Variants in AGPAT5 observed in about 807,000 individuals in gnomAD.
AGPAT5 encodes 1-acyl-sn-glycerol-3-phosphate acyltransferase epsilon.
A neutral mutation model predicts 45.6 loss-of-function variants in AGPAT5; 46 were observed. That is an observed-to-expected ratio of 1.01 (90% CI 0.80 to 1.29). AGPAT5 has a LOEUF of 1.29. Among genes scored for constraint, AGPAT5 ranks in the 50% most tolerant of loss-of-function variants. The pLI, the probability that AGPAT5 is intolerant of heterozygous loss-of-function variation, is 0.00. For synonymous variants in AGPAT5, 272 were observed against 167.0 expected (o/e 1.63, Z -4.85); for missense variants, 673 against 450.7 (o/e 1.49, Z -4.47).
chr8:6,737,209 T>C (rs546443818), intron 4 of AGPAT5, among the ~76,000 whole-genome samples: 1 of 152,348 alleles, frequency 6.6e-6, no homozygotes, highest in African/African-American at 2.4e-5. Flanking sequence ...AAGGTCACTG[T>C]CCCAGGTCGG....
rs138274785 is a variant in AGPAT5 at position 6,708,839 on chromosome 8, C to T, written c.171C>T (p.Val57=). 2.2e-4 allele frequency: 347 copies of T among 1,611,678 alleles called. 1 individual carries two copies. In the East Asian group the frequency reaches 7.7e-3, roughly 36 times the overall value. The change falls in exon 1 of 8, where the codon GTC becomes GTT. Residue 57 remains valine (V), a synonymous_variant. Coordinates refer to ENST00000285518, the MANE Select transcript of AGPAT5 (RefSeq NM_018361.5). ...YQALDDRLYC[V]YQSMVLFFFE... Reference sequence around the variant, plus strand: ...CGCTGGACGACCGGCTCTACTGCGTCTACCAGAGCATGGTGCTCTTCTTCT... The same window carrying T: ...CGCTGGACGACCGGCTCTACTGCGTTTACCAGAGCATGGTGCTCTTCTTCT...
At chr8:6,728,735 C>G (rs1352345928) in intron 2 of AGPAT5, among the ~76,000 whole-genome samples, 2 of 152,138 alleles carry the variant, frequency 1.3e-5, no homozygotes, top group Non-Finnish European at 2.9e-5. Context: ...CAGAACCATA[C>G]AGAATTAGTT....
At chr8:6,731,223 A>G (rs893817763) in intron 3 of AGPAT5, among the ~76,000 whole-genome samples, 2 of 152,186 alleles carry the variant, frequency 1.3e-5, no homozygotes, top group Non-Finnish European at 2.9e-5. Context: ...GGTTTTTAAA[A>G]TGGGTTTAAT....
intron 4 of AGPAT5, among the ~76,000 whole-genome samples, chr8:6,737,973 A>G (rs547824056): frequency 2.0e-5 from 3 of 152,276 alleles, no homozygotes; most frequent in African/African-American, 7.2e-5. Flanking sequence ...CTGGATTAGG[A>G]TTTGCTTTAA....
At chr8:6,718,748 G>C (rs1800409913) in intron 1 of AGPAT5, among the ~76,000 whole-genome samples, 1 of 152,156 alleles carries the variant, frequency 6.6e-6, no homozygotes, top group Non-Finnish European at 1.5e-5. Flanking sequence ...ACTAAACTTG[G>C]AGAGTACAGT....
intron 1 of AGPAT5, among the ~76,000 whole-genome samples, chr8:6,724,429 A>G (rs75042284): frequency 0.012 from 1,889 of 152,294 alleles, 45 homozygotes; most frequent in African/African-American, 0.042. Flanking sequence ...TGTACCCTTT[A>G]GTGTCCTGAA....
At position 6,732,588 on chromosome 8, in the gene AGPAT5, GC is replaced by G. The variant is rs1405910164; in HGVS notation, c.435del (p.Lys146AsnfsTer24). On this transcript the variant is annotated frameshift_variant, in exon 4 of 8. Coordinates refer to ENST00000285518, the MANE Select transcript of AGPAT5 (RefSeq NM_018361.5). LOFTEE classifies it high-confidence loss of function. ...QHGGIYVKRS[A>X]KFNEKEMRNK... is the part of the protein sequence containing the mutation. The stretch of plus-strand genomic sequence containing the variant: ...TGGAGGAATCTATGTAAAGCGCAGT[GC>G]CAAATTTAACGAGAAAGAGATGCGA... The G allele has an allele frequency of 1.2e-6, 2 of 1,610,648 alleles. No homozygotes were observed. The highest frequency in any genetic ancestry group is 2.7e-5 in the African/African-American group (2 of 74,738).
At chr8:6,743,833 G>T (rs551719637) in intron 5 of AGPAT5, among the ~76,000 whole-genome samples, 2 of 151,600 alleles carry the variant, frequency 1.3e-5, no homozygotes, top group East Asian at 3.9e-4. Flanking sequence ...ACATACTTAA[G>T]CTTTTTGAAC....
intron 6 of AGPAT5, among the ~76,000 whole-genome samples, chr8:6,753,147 G>A (rs1405701884): frequency 6.6e-6 from 1 of 152,198 alleles, no homozygotes. Flanking sequence ...AAAAACAAAA[G>A]GACCCATGCA....
intron 1 of AGPAT5, among the ~76,000 whole-genome samples, chr8:6,713,468 T>A (rs1271560106): frequency 6.6e-6 from 1 of 152,206 alleles, no homozygotes; most frequent in African/African-American, 2.4e-5. Context: ...CTGCTTTAAG[T>A]GTAAAATAGT....
At chr8:6,739,934 C>G (rs1281091457) in intron 4 of AGPAT5, among the ~76,000 whole-genome samples, 1 of 151,974 alleles carries the variant, frequency 6.6e-6, no homozygotes, top group African/African-American at 2.4e-5. Context: ...ACACCTTGTT[C>G]TTTTTCTTTG....
chr8:6,733,169 T>G (rs1022812177), intron 4 of AGPAT5, among the ~76,000 whole-genome samples: 2 of 152,250 alleles, frequency 1.3e-5, no homozygotes, highest in Non-Finnish European at 2.9e-5. Flanking sequence ...CTGCTTTGTA[T>G]AGAATGCTGA....
intron 5 of AGPAT5, chr8:6,746,233 G>A (rs1034918409): frequency 6.6e-6 from 1 of 152,286 alleles, no homozygotes; most frequent in Admixed American, 6.5e-5. Flanking sequence ...ACTTATCTTT[G>A]CATGGCAGGT....
chr8:6,733,397 G>A (rs1195670026), intron 4 of AGPAT5, among the ~76,000 whole-genome samples: 1 of 152,166 alleles, frequency 6.6e-6, no homozygotes, highest in Non-Finnish European at 1.5e-5. Context: ...GGAGCTCATG[G>A]TGAAGGAAGA....
Position 6,757,648 on chromosome 8 carries a change from A to T in AGPAT5, c.*260A>T. 1 of 331,552 alleles carries T rather than the reference A, an allele frequency of 3.0e-6. No individual in the cohort carries two copies. Among genetic ancestry groups the T allele is most frequent in the Non-Finnish European group, 5.5e-6 (1 of 181,582 alleles). The allele number at this position is 331,552 out of a possible 1,614,324, so 20.5% of individuals were successfully genotyped here. On this transcript the variant is annotated 3_prime_UTR_variant, in exon 8 of 8. Transcript: ENST00000285518. The stretch of plus-strand genomic sequence containing the variant: ...CTCCTGCTCTGTCCATTTCCTATGA[A>T]CTAATGACAACTTGAGAAGGCTGGG...
rs1801996901 is a variant in AGPAT5 at position 6,760,427 on chromosome 8, T to C, written c.*3039T>C. Among the ~76,000 whole-genome samples, 1 of 152,054 alleles carries C rather than the reference T, an allele frequency of 6.6e-6. No homozygotes were observed. The highest frequency in any genetic ancestry group is 1.5e-5 in the Non-Finnish European group (1 of 67,990). On this transcript the variant is annotated 3_prime_UTR_variant, in exon 8 of 8. Transcript: ENST00000285518. ...AAAATGAAAAGGAAATATAGAAATA[T>C]AAAATTTGCTTATTATAGACACACA...
intron 3 of AGPAT5, among the ~76,000 whole-genome samples, chr8:6,732,107 C>G (rs1041002096): frequency 3.3e-5 from 5 of 152,190 alleles, no homozygotes; most frequent in African/African-American, 1.2e-4. Context: ...GGGGAACACA[C>G]TTCTGTCCGT....
Position 6,730,625 on chromosome 8 carries a change from C to T in AGPAT5, c.290-86C>T, listed in dbSNP as rs192891485. On this transcript the variant is annotated intron_variant, in intron 2 of 7. Transcript: ENST00000285518. ...GATTACAGGCGTGAGCCACCGCGCC[C>T]GGCCATCATAGTACTTTTGAAGCCC... The T allele has an allele frequency of 4.6e-4, 49 of 105,410 alleles. 15 individuals carry two copies. Among genetic ancestry groups the T allele is most frequent in the African/African-American group, 5.8e-3 (2 of 346 alleles). 6.5% of individuals were successfully genotyped at this position (105,410 alleles called of 1,614,324 possible).
chr8:6,732,505 C>T, intron 3 of AGPAT5, 56 bp from the exon 4 acceptor site: 1 of 1,455,886 alleles, frequency 6.9e-7, no homozygotes, highest in Admixed American at 2.4e-5. Flanking sequence ...TTTGATGACT[C>T]TGGCCAATTG....
Sources: allele counts gnomAD v4.1 joint callset (sites outside exome capture counted in the v4.1 genomes callset), GRCh38; gene constraint gnomAD v4.1.1; transcripts MANE v1.5; gene names NCBI Gene and HGNC (gene_info 2026-07-23, HGNC 2026-07-21).